The following CCDC73 variants were observed in gnomAD, a reference collection of about 807,000 sequenced individuals.
CCDC73 encodes coiled-coil domain containing 73.
In CCDC73, 95 loss-of-function variants were observed where a neutral mutation model predicts 116.5. The observed-to-expected ratio is 0.82, with a 90% CI of 0.69 to 0.97. The LOEUF (loss-of-function observed/expected upper bound fraction) is 0.97. CCDC73 is among the 50% of genes least tolerant of loss of function. The probability of loss-of-function intolerance (pLI) is 0.00; values close to 1 mark genes in which losing one functional copy is unlikely to be tolerated. For synonymous variants in CCDC73, 398 were observed against 401.3 expected, an observed-to-expected ratio of 0.99 and a Z score of 0.10; for missense variants, 1,066 against 1,206.8, an observed-to-expected ratio of 0.88 and a Z score of 1.73.
At chr11:32,739,704 C>G (rs1038403571) in intron 2 of CCDC73, among the ~76,000 whole-genome samples, 1 of 151,920 alleles carries the variant, frequency 6.6e-6, no homozygotes, top group Non-Finnish European at 1.5e-5. Flanking sequence ...TGTCTGATTG[C>G]TCTAGCTAGG....
chr11:32,605,134 G>GAGC (rs1291024774), intron 17 of CCDC73: 1 of 150,424 alleles, frequency 6.6e-6, no homozygotes, highest in Non-Finnish European at 1.5e-5. Context: ...TTACAGGCAT[G>GAGC]AGCCACCCTG....
chr11:32,643,521 C>T (rs1855751127), intron 12 of CCDC73, among the ~76,000 whole-genome samples: 5 of 152,104 alleles, frequency 3.3e-5, no homozygotes, highest in Admixed American at 3.3e-4. Context: ...TAGCTTATTG[C>T]TCCTATGCTA....
At chr11:32,633,179 G>A (rs556559036) in intron 14 of CCDC73, among the ~76,000 whole-genome samples, 2 of 152,200 alleles carry the variant, frequency 1.3e-5, no homozygotes, top group African/African-American at 2.4e-5. Flanking sequence ...TCAGCCTCCC[G>A]AGTAAGCCAC....
intron 1 of CCDC73, among the ~76,000 whole-genome samples, chr11:32,769,446 A>G (rs545432259): frequency 1.3e-5 from 2 of 152,300 alleles, no homozygotes; most frequent in East Asian, 3.9e-4. Context: ...GTTTGTTTAT[A>G]TAGTGGCTGG....
At chr11:32,652,048 A>G (rs1855830294) in intron 12 of CCDC73, among the ~76,000 whole-genome samples, 1 of 152,230 alleles carries the variant, frequency 6.6e-6, no homozygotes, top group Non-Finnish European at 1.5e-5. Context: ...TTCAAGCTCC[A>G]TTAGCACAGA....
chr11:32,721,749 C>T (rs1179042285), intron 2 of CCDC73, among the ~76,000 whole-genome samples: 1 of 151,842 alleles, frequency 6.6e-6, no homozygotes, highest in Non-Finnish European at 1.5e-5. Context: ...AGGCACCCGC[C>T]ACAGTGCCCG....
the CCDC73 span, among the ~76,000 whole-genome samples, chr11:32,828,003 T>C: frequency 6.6e-6 from 1 of 152,078 alleles, no homozygotes; most frequent in Non-Finnish European, 1.5e-5. Flanking sequence ...GAATCCATCA[T>C]AGAAATAGTT....
chr11:32,678,490 C>T (rs995660594), intron 7 of CCDC73, among the ~76,000 whole-genome samples: 9 of 152,198 alleles, frequency 5.9e-5, no homozygotes, highest in African/African-American at 2.2e-4. Context: ...CACTAAAAAG[C>T]AAAGCCCATC....
chr11:32,614,754 A>G lies in CCDC73; in HGVS notation c.1564T>C (p.Leu522=), dbSNP rs776062765. ...TCTGTACATCCATTGTCTTTTTCCA[A>G]GCATATCTTGTCTTTTATTTCTGTA... ...VTTEIKDKIC[L]EKDNGCTEFK... Residue 522 remains leucine (L), a synonymous_variant, in exon 16 of 18, where the codon TTG becomes CTG. Transcript: ENST00000335185. The G allele has an allele frequency of 1.9e-6, 3 of 1,613,086 alleles. No homozygotes were observed. The highest frequency in any genetic ancestry group is 2.5e-6 in the Non-Finnish European group (3 of 1,179,546).
intron 1 of CCDC73, among the ~76,000 whole-genome samples, chr11:32,780,012 G>A (rs549971549): frequency 9.2e-5 from 14 of 152,242 alleles, no homozygotes; most frequent in South Asian, 2.1e-4. Flanking sequence ...AGTAACTCAC[G>A]CCTGTAACCT....
intron 1 of CCDC73, among the ~76,000 whole-genome samples, chr11:32,784,396 G>A (rs906153577): frequency 6.6e-6 from 1 of 151,802 alleles, no homozygotes; most frequent in Non-Finnish European, 1.5e-5. Flanking sequence ...AATAATCACA[G>A]AATATTACAA....
the CCDC73 span, among the ~76,000 whole-genome samples, chr11:32,825,831 G>A: frequency 2.6e-5 from 4 of 152,188 alleles, no homozygotes; most frequent in South Asian, 4.1e-4. Context: ...GCTGATAAGT[G>A]TACAATAGGT....
intron 9 of CCDC73, among the ~76,000 whole-genome samples, chr11:32,663,481 T>G (rs1855950119): frequency 6.6e-6 from 1 of 152,176 alleles, no homozygotes; most frequent in African/African-American, 2.4e-5. Context: ...TGGCTCTCTG[T>G]TTGTTATTGG....
chr11:32,804,663 C>A, the CCDC73 span, among the ~76,000 whole-genome samples: 469 of 152,298 alleles, frequency 3.1e-3, 2 homozygotes, highest in Non-Finnish European at 5.5e-3. Context: ...CTTCCATATT[C>A]TCTTCCTTCT....
chr11:32,739,058 G>T (rs1766201001), intron 2 of CCDC73, among the ~76,000 whole-genome samples: 1 of 152,114 alleles, frequency 6.6e-6, no homozygotes. Context: ...CTATGTGTTT[G>T]TTTTTAATGC....
chr11:32,622,121 G>A (rs1855527223), intron 14 of CCDC73, among the ~76,000 whole-genome samples: 1 of 152,270 alleles, frequency 6.6e-6, no homozygotes, highest in South Asian at 2.1e-4. Flanking sequence ...CAAGGATCTA[G>A]AACCAGAAAT....
intron 9 of CCDC73, among the ~76,000 whole-genome samples, chr11:32,659,471 T>C (rs1357433936): frequency 6.6e-6 from 1 of 152,120 alleles, no homozygotes; most frequent in Non-Finnish European, 1.5e-5. Context: ...CAAAACTCTA[T>C]CCTTACAGAG....
At chr11:32,712,337 G>A (rs1308961198) in intron 3 of CCDC73, among the ~76,000 whole-genome samples, 1 of 152,016 alleles carries the variant, frequency 6.6e-6, no homozygotes, top group Non-Finnish European at 1.5e-5. Context: ...GAAAGAATAA[G>A]TTTGAGATCT....
chr11:32,766,392 T>G (rs1850442296), intron 1 of CCDC73, among the ~76,000 whole-genome samples: 1 of 152,168 alleles, frequency 6.6e-6, no homozygotes, highest in Admixed American at 6.5e-5. Context: ...CTTTGAAAAC[T>G]GGCATAAGAC....
Sources: gnomAD v4.1 joint callset for allele counts (sites outside exome capture counted in the v4.1 genomes callset) on GRCh38, gnomAD v4.1.1 for gene constraint, MANE v1.5 for transcripts, NCBI Gene and HGNC (gene_info 2026-07-23, HGNC 2026-07-21) for gene names.